APLP2: variants seen among roughly 807,000 people sequenced by gnomAD.
APLP2 encodes amyloid beta precursor like protein 2, also known as CDEI box-binding protein.
A neutral mutation model predicts 89.9 loss-of-function variants in APLP2; 53 were observed. The ratio of observed to expected loss-of-function variants is 0.59; its 90% confidence interval spans 0.47 to 0.74. The LOEUF (loss-of-function observed/expected upper bound fraction) is 0.74. APLP2 is among the 30% of genes least tolerant of loss of function. The pLI, the probability that APLP2 is intolerant of heterozygous loss-of-function variation, is 0.00. For synonymous variants in APLP2, 372 were observed against 348.6 expected (o/e 1.07, Z -0.75); for missense variants, 973 against 975.9 (o/e 1.00, Z 0.04).
chr11:130,122,262 A>G (rs898203927), intron 5 of APLP2, 43 bp from the exon 6 acceptor site: 34 of 1,609,632 alleles, frequency 2.1e-5, no homozygotes, highest in Non-Finnish European at 2.7e-5. Context: ...TGCTTTGCAC[A>G]TAGGAGCTAT....
chr11:130,130,369 A>G (rs894895184), intron 11 of APLP2, among the ~76,000 whole-genome samples: 5 of 152,230 alleles, frequency 3.3e-5, no homozygotes, highest in African/African-American at 9.6e-5. Flanking sequence ...ATACTTTTTT[A>G]TATTAACTGC....
intron 1 of APLP2, among the ~76,000 whole-genome samples, chr11:130,075,283 A>G (rs76257117): frequency 0.06 from 9,066 of 152,210 alleles, 274 homozygotes; most frequent in Non-Finnish European, 0.073. Flanking sequence ...CCGAGTATCT[A>G]GGAGTACAGT....
intron 1 of APLP2, among the ~76,000 whole-genome samples, chr11:130,091,014 C>G (rs1591778240): frequency 6.7e-6 from 1 of 148,990 alleles, no homozygotes; most frequent in Non-Finnish European, 1.5e-5. Context: ...ACCTCCCTCC[C>G]GGACGGGGCG....
At chr11:130,091,338 CCGGA>C (rs1471992062) in intron 1 of APLP2, among the ~76,000 whole-genome samples, 10 of 146,772 alleles carry the variant, frequency 6.8e-5, no homozygotes, top group Non-Finnish European at 1.2e-4. Context: ...CACCTCCCTC[CCGGA>C]CGGGGCGGCT....
Position 130,127,846 on chromosome 11 carries a change from A to G in APLP2, c.1296+6A>G, listed in dbSNP as rs1439649587. The G allele has an allele frequency of 1.2e-6, 2 of 1,613,084 alleles. No homozygotes were observed. Among genetic ancestry groups the G allele is most frequent in the Admixed American group, 1.7e-5 (1 of 59,996 alleles). ...AGAGGCAGACTCTGATTCAGGTAAGATGCCTTCTCTGGGGACATAGCTTTC... is the reference window on the plus strand; with the variant it reads ...AGAGGCAGACTCTGATTCAGGTAAGGTGCCTTCTCTGGGGACATAGCTTTC... On this transcript the variant is annotated splice_donor_region_variant and intron_variant, in intron 9 of 16. Coordinates refer to ENST00000338167, the MANE Select transcript of APLP2 (RefSeq NM_001142276.2).
intron 1 of APLP2, among the ~76,000 whole-genome samples, chr11:130,084,176 G>A (rs530287339): frequency 3.3e-5 from 5 of 152,050 alleles, no homozygotes; most frequent in East Asian, 1.9e-4. Flanking sequence ...AACCTGGGAG[G>A]TGGAGCTTGC....
rs202085638 is a variant in APLP2, at chr11:130,141,943, G to A, written c.2023G>A (p.Asp675Asn). Residue 675 changes from aspartate (D) to asparagine (N), a missense_variant, in exon 16 of 17, where the codon GAC (aspartate) becomes AAC (asparagine). Coordinates refer to ENST00000338167, the MANE Select transcript of APLP2 (RefSeq NM_001142276.2). The surrounding 1 kb of genome is among the most constrained non-coding windows in gnomAD (Gnocchi z 4.2). The part of the protein sequence containing the change: ...ERESVGPLRE[D>N]FSLSSSALIG... ...GGAATCCGTGGGCCCACTGCGGGAG[G>A]ACTTCAGTCTGAGTAGCAGTGCTCT... 1.1e-5 allele frequency: 18 copies of A among 1,610,088 alleles called. No individual in the cohort carries two copies. Among genetic ancestry groups the A allele is most frequent in the Non-Finnish European group, 1.5e-5 (18 of 1,176,876 alleles).
chr11:130,111,683 T>A (rs917620815), intron 3 of APLP2, among the ~76,000 whole-genome samples: 1 of 152,144 alleles, frequency 6.6e-6, no homozygotes, highest in South Asian at 2.1e-4. Flanking sequence ...AGGGGCGTCA[T>A]GTGTGCTTAC....
At chr11:130,092,769 A>G (rs1945599452) in intron 1 of APLP2, among the ~76,000 whole-genome samples, 1 of 151,860 alleles carries the variant, frequency 6.6e-6, no homozygotes, top group African/African-American at 2.4e-5. Flanking sequence ...TTAGTTTGCA[A>G]TACAGTTAAC....
intron 1 of APLP2, among the ~76,000 whole-genome samples, chr11:130,089,200 G>A (rs1944539537): frequency 1.3e-5 from 2 of 152,114 alleles, no homozygotes; most frequent in African/African-American, 2.4e-5. Context: ...TATTCACACT[G>A]CTCCTGCCTT....
chr11:130,122,764 A>G (rs1949966394), intron 6 of APLP2, among the ~76,000 whole-genome samples: 1 of 152,180 alleles, frequency 6.6e-6, no homozygotes, highest in African/African-American at 2.4e-5. Context: ...GAGACAACGT[A>G]GTCCGCCCTT....
At position 130,141,656 on chromosome 11, in the gene APLP2, G is replaced by A. The variant is rs1397125870; in HGVS notation, c.1998+84G>A. On this transcript the variant is annotated intron_variant, in intron 15 of 16. Transcript: ENST00000338167. This position sits in a 1 kb window ranked among gnomAD's most constrained non-coding sequence, Gnocchi z 4.2. ...GACCTTCTCAGTTCAAGTAGAAAAC[G>A]GGAGAGATGCCTGAGCTAATAAGGG... 7 of 1,250,986 alleles carry A rather than the reference G, an allele frequency of 5.6e-6. No individual in the cohort carries two copies. Among genetic ancestry groups the A allele is most frequent in the Admixed American group, 3.7e-5 (2 of 53,358 alleles). 77.5% of individuals were successfully genotyped at this position (1,250,986 alleles called of 1,614,324 possible).
At chr11:130,082,251 T>C (rs777276801) in intron 1 of APLP2, among the ~76,000 whole-genome samples, 9 of 152,180 alleles carry the variant, frequency 5.9e-5, no homozygotes, top group Admixed American at 3.3e-4. Flanking sequence ...TGGCACGATT[T>C]TGGCTCACTA....
intron 1 of APLP2, among the ~76,000 whole-genome samples, chr11:130,094,354 A>G (rs1945904890): frequency 6.6e-6 from 1 of 151,522 alleles, no homozygotes; most frequent in South Asian, 2.1e-4. Flanking sequence ...TGCCTGGCCT[A>G]ATTTTTGTAT....
intron 16 of APLP2, 57 bp downstream of exon 16, chr11:130,142,131 G>T: frequency 1.3e-6 from 2 of 1,515,092 alleles, no homozygotes; most frequent in African/African-American, 1.4e-5. Context: ...TTGGGGGTGG[G>T]AACCTGTGGA....
intron 1 of APLP2, among the ~76,000 whole-genome samples, chr11:130,081,130 TC>T (rs1306563116): frequency 6.6e-6 from 1 of 151,946 alleles, no homozygotes; most frequent in Non-Finnish European, 1.5e-5. Flanking sequence ...AAGAGTAGAT[TC>T]CCCCTTATGT....
chr11:130,121,495 TAAG>T, intron 4 of APLP2, 116 bp from the exon 5 acceptor site: 1 of 1,286,818 alleles, frequency 7.8e-7, no homozygotes, highest in Non-Finnish European at 1.0e-6. Flanking sequence ...TATGTGTTCA[TAAG>T]AGAAAGCATT....
chr11:130,115,905 A>G (rs1327755211), intron 3 of APLP2, among the ~76,000 whole-genome samples: 1 of 152,174 alleles, frequency 6.6e-6, no homozygotes, highest in Non-Finnish European at 1.5e-5. Flanking sequence ...AGAAGTTTGC[A>G]TTGGGGGAAG....
In APLP2 at chr11:130,123,591, ACT is replaced by A. The variant is rs768001672; in HGVS notation, c.923-18_923-17del. The A allele has an allele frequency of 5.0e-6, 8 of 1,607,912 alleles. No individual in the cohort carries two copies. The Admixed American group carries it at 5.1e-5, about 10-fold the overall frequency. Reference sequence around the variant, plus strand: ...ACGTCACTGCCTCTGTCCTGCTGACACTCTGACCATTTTCACACAGCTGTCTG... The same window carrying A: ...ACGTCACTGCCTCTGTCCTGCTGACACTGACCATTTTCACACAGCTGTCTG... On this transcript the variant is annotated intron_variant, in intron 6 of 16. Coordinates refer to ENST00000338167, the MANE Select transcript of APLP2 (RefSeq NM_001142276.2). The surrounding 1 kb of genome is among the most constrained non-coding windows in gnomAD (Gnocchi z 4.0).
Sources: gnomAD v4.1 joint callset for allele counts (sites outside exome capture counted in the v4.1 genomes callset) on GRCh38, gnomAD v4.1.1 for gene constraint, Gnocchi (gnomAD v3.1) non-coding constraint, MANE v1.5 for transcripts, NCBI Gene and HGNC (gene_info 2026-07-23, HGNC 2026-07-21) for gene names.